The following PCDH17 variants were observed in gnomAD, a reference collection of about 807,000 sequenced individuals.
PCDH17 encodes protocadherin 17.
PCDH17 carries 21 observed loss-of-function variants against 67.7 expected under a neutral mutation model. That is an observed-to-expected ratio of 0.31 (90% confidence interval 0.22 to 0.45). The LOEUF is 0.45. Ranked by LOEUF, PCDH17 falls within the 20% of genes least tolerant of loss-of-function variation. PCDH17 has a pLI of 1.00. For synonymous variants in PCDH17, 701 were observed against 656.7 expected (o/e 1.07, Z -1.03); for missense variants, 1,471 against 1,564.8 (o/e 0.94, Z 1.01).
At chr13:57,631,163 T>C (rs1442941219), upstream of PCDH17, among the ~76,000 whole-genome samples, 1 of 152,142 alleles carries the variant, frequency 6.6e-6, no homozygotes, top group Non-Finnish European at 1.5e-5. Context: ...AACACGTACT[T>C]TATTTGCTTC....
chr13:57,687,804 T>C (rs1158672059), intron 3 of PCDH17, among the ~76,000 whole-genome samples: 1 of 152,086 alleles, frequency 6.6e-6, no homozygotes, highest in African/African-American at 2.4e-5. Flanking sequence ...TCTATAATGA[T>C]GTGTCCTCTT....
At chr13:57,630,575 C>A (rs1257848838), upstream of PCDH17, among the ~76,000 whole-genome samples, 1 of 152,024 alleles carries the variant, frequency 6.6e-6, no homozygotes. Flanking sequence ...AAAAAATAAA[C>A]AAAATAAATA....
intron 1 of PCDH17, among the ~76,000 whole-genome samples, chr13:57,660,118 C>T (rs1270389638): frequency 6.6e-6 from 1 of 152,076 alleles, no homozygotes; most frequent in African/African-American, 2.4e-5. Flanking sequence ...TGTTGGCGCA[C>T]CCTTGTAGTT....
At chr13:57,657,106 A>T (rs1955115517) in intron 1 of PCDH17, among the ~76,000 whole-genome samples, 1 of 152,138 alleles carries the variant, frequency 6.6e-6, no homozygotes, top group Non-Finnish European at 1.5e-5. Context: ...CTGGCACATC[A>T]GTTATTATTA....
Position 57,670,256 on chromosome 13 carries a change from G to GA in PCDH17, c.2797+3427dup, listed in dbSNP as rs527566387. ...ATTCTATTTGAAAAACATCATGAGA[G>GA]AAAATTCCACAATTAAGTCAAGCAC... is the stretch of plus-strand genomic sequence containing the variant. On this transcript the variant is annotated intron_variant, in intron 3 of 3. Coordinates refer to ENST00000377918, the MANE Select transcript of PCDH17 (RefSeq NM_001040429.3). Among the ~76,000 whole-genome samples the GA allele has an allele frequency of 3.5e-3, 527 of 151,900 alleles. 4 individuals carry two copies. The highest frequency in any genetic ancestry group is 0.012 in the African/African-American group (494 of 41,492).
At chr13:57,708,474 T>C (rs1955741660) in intron 3 of PCDH17, among the ~76,000 whole-genome samples, 2 of 152,068 alleles carry the variant, frequency 1.3e-5, no homozygotes, top group African/African-American at 4.8e-5. Flanking sequence ...TTCTGTATTC[T>C]CTTTACTCTG....
At chr13:57,654,362 C>T (rs1955079142) in intron 1 of PCDH17, among the ~76,000 whole-genome samples, 1 of 151,656 alleles carries the variant, frequency 6.6e-6, no homozygotes, top group South Asian at 2.1e-4. Context: ...CATGAGACAA[C>T]CATTGTTGTA....
At chr13:57,636,447 A>T (rs893614971) in intron 1 of PCDH17, among the ~76,000 whole-genome samples, 1 of 152,200 alleles carries the variant, frequency 6.6e-6, no homozygotes, top group African/African-American at 2.4e-5. Flanking sequence ...TAACATAATA[A>T]GTATACCAAA....
intron 3 of PCDH17, among the ~76,000 whole-genome samples, chr13:57,670,081 T>G (rs891334900): frequency 2.0e-5 from 3 of 152,016 alleles, no homozygotes; most frequent in Non-Finnish European, 4.4e-5. Flanking sequence ...TTATAAGTAG[T>G]GAAGGCAGTA....
chr13:57,712,259 A>G (rs1341558409), intron 3 of PCDH17, among the ~76,000 whole-genome samples: 1 of 151,752 alleles, frequency 6.6e-6, no homozygotes, highest in Admixed American at 6.6e-5. Context: ...TTAAAAATGT[A>G]CACATTCACG....
intron 3 of PCDH17, among the ~76,000 whole-genome samples, chr13:57,687,060 G>A (rs1035219632): frequency 1.3e-5 from 2 of 152,002 alleles, no homozygotes; most frequent in Admixed American, 6.6e-5. Context: ...CACTAAATGA[G>A]TAATCTCTAA....
At chr13:57,665,123 A>T (rs1008207111) in intron 1 of PCDH17, among the ~76,000 whole-genome samples, 5 of 152,124 alleles carry the variant, frequency 3.3e-5, no homozygotes, top group African/African-American at 1.2e-4. Flanking sequence ...GTGTACTTTG[A>T]TAAATGTCAT....
intron 3 of PCDH17, among the ~76,000 whole-genome samples, chr13:57,679,009 A>G (rs1012703963): frequency 6.6e-6 from 1 of 151,468 alleles, no homozygotes; most frequent in Admixed American, 6.6e-5. Context: ...TCCATAATCA[A>G]ACACATTAAC....
chr13:57,725,317 T>G lies in PCDH17; in HGVS notation c.*23T>G, dbSNP rs1955907422. 1.3e-6 allele frequency: 2 copies of G among 1,548,722 alleles called. No individual in the cohort carries two copies. Among genetic ancestry groups the G allele is most frequent in the African/African-American group, 2.8e-5 (2 of 72,334 alleles). ...TGAAAAAAGAAAAAAAAAAAGGCAT[T>G]GGCATTTTCTTGTCTCTTCTGTTGA... On this transcript the variant is annotated 3_prime_UTR_variant, in exon 4 of 4. Transcript: ENST00000377918.
intron 3 of PCDH17, among the ~76,000 whole-genome samples, chr13:57,717,770 A>G (rs1294394507): frequency 1.3e-5 from 2 of 152,094 alleles, no homozygotes; most frequent in East Asian, 3.9e-4. Context: ...AGCAGATAGA[A>G]TAGCACTTCA....
intron 1 of PCDH17, among the ~76,000 whole-genome samples, chr13:57,652,232 T>G (rs1029058457): frequency 1.4e-5 from 2 of 144,528 alleles, no homozygotes; most frequent in African/African-American, 5.2e-5. Flanking sequence ...GAGCCGAGAT[T>G]GCGCCACTGC....
At chr13:57,631,043 C>G (rs1478747620), upstream of PCDH17, among the ~76,000 whole-genome samples, 1 of 152,072 alleles carries the variant, frequency 6.6e-6, no homozygotes, top group African/African-American at 2.4e-5. Flanking sequence ...CCCTGAGTCG[C>G]CCAGAAAAAC....
rs1320017052 is a variant in PCDH17, at chr13:57,634,602, G to T, written c.2056G>T (p.Gly686Ter). The T allele has an allele frequency of 6.2e-7, 1 of 1,613,366 alleles. No individual in the cohort carries two copies. Among genetic ancestry groups the T allele is most frequent in the Non-Finnish European group, 8.5e-7 (1 of 1,179,998 alleles). The stretch of plus-strand genomic sequence containing the variant: ...CAAGCTCATCATCCGCTCGGTGAGC[G>T]GATCCCTTCCCGAGGGGGTACCACG... Reference protein sequence around the residue: ...VAKLIIRSVSGSLPEGVPRVN... With the variant: ...VAKLIIRSVS Residue 686 changes from glycine (G) to a stop codon, truncating the protein, a stop_gained, in exon 1 of 4, where the codon GGA (glycine) becomes TGA (stop). Transcript: ENST00000377918. LOFTEE classifies it high-confidence loss of function. This position sits in a 1 kb window ranked among gnomAD's most constrained non-coding sequence, Gnocchi z 7.8.
chr13:57,655,837 T>C (rs1955095788), intron 1 of PCDH17, among the ~76,000 whole-genome samples: 1 of 149,598 alleles, frequency 6.7e-6, no homozygotes, highest in Non-Finnish European at 1.5e-5. Flanking sequence ...GGATAGTAGT[T>C]CTAGTTTTAT....
Sources: allele counts gnomAD v4.1 joint callset (sites outside exome capture counted in the v4.1 genomes callset), GRCh38; gene constraint gnomAD v4.1.1; non-coding constraint Gnocchi (gnomAD v3.1); transcripts MANE v1.5; gene names NCBI Gene and HGNC (gene_info 2026-07-23, HGNC 2026-07-21).